ITPR2: variants seen among roughly 807,000 people sequenced by gnomAD.
ITPR2 encodes the protein inositol 1,4,5-trisphosphate receptor type 2, also known as inositol 1,4,5-trisphosphate-gated calcium channel ITPR2.
Under a neutral mutation model 317.1 loss-of-function variants are expected in ITPR2, and 207 were observed. The observed-to-expected ratio is 0.65, with a 90% CI of 0.58 to 0.73. ITPR2 has a LOEUF of 0.73. ITPR2 is among the 30% of genes least tolerant of loss of function. ITPR2 has a pLI of 0.00. For missense variants in ITPR2, 2,613 were observed against 3,284.0 expected, an observed-to-expected ratio of 0.80 and a Z score of 4.99; for synonymous variants, 1,156 against 1,149.1, an observed-to-expected ratio of 1.01 and a Z score of -0.12.
chr12:26,634,352 T>G (rs1466495322), intron 21 of ITPR2, among the ~76,000 whole-genome samples: 1 of 152,198 alleles, frequency 6.6e-6, no homozygotes, highest in East Asian at 1.9e-4. Context: ...AGGTGATTAA[T>G]CCTCAACATT....
chr12:26,538,329 C>A (rs1944157926), intron 37 of ITPR2, among the ~76,000 whole-genome samples: 2 of 151,234 alleles, frequency 1.3e-5, no homozygotes, highest in South Asian at 4.2e-4. Context: ...ATATATCCCC[C>A]ACAAACACAC....
rs541336873 is a variant in ITPR2 at position 26,542,594 on chromosome 12, C to T, written c.5073+7653G>A. Among the ~76,000 whole-genome samples the T allele has an allele frequency of 8.5e-5, 13 of 152,304 alleles. No homozygotes were observed. In the East Asian group the frequency reaches 1.2e-3, roughly 14 times the overall value. Reference sequence around the variant, plus strand: ...ACTGTCTGATAATAACAATGTCACACGGTAAGCTCTTAATAAATGCTAGCT... The same window carrying T: ...ACTGTCTGATAATAACAATGTCACATGGTAAGCTCTTAATAAATGCTAGCT... On this transcript the variant is annotated intron_variant, in intron 37 of 56. Coordinates refer to ENST00000381340, the MANE Select transcript of ITPR2 (RefSeq NM_002223.4).
chr12:26,621,300 A>T lies in ITPR2; in HGVS notation c.3289-4T>A. ...GATTAGACACCAGTAATTGCACCTA[A>T]AACAGAAGAATTTCAATCTTAGTTG... On this transcript the variant is annotated splice_polypyrimidine_tract_variant and splice_region_variant and intron_variant, in intron 25 of 56. Transcript: ENST00000381340. 6.3e-7 allele frequency: 1 copy of T among 1,597,376 alleles called. No homozygotes were observed. Among genetic ancestry groups the T allele is most frequent in the South Asian group, 1.1e-5 (1 of 88,240 alleles).
chr12:26,437,473 A>G (rs565574796), intron 47 of ITPR2, among the ~76,000 whole-genome samples: 5 of 152,302 alleles, frequency 3.3e-5, no homozygotes, highest in Admixed American at 1.3e-4. Flanking sequence ...AACTATAAAC[A>G]TCTGCATCTC....
intron 43 of ITPR2, among the ~76,000 whole-genome samples, chr12:26,480,770 G>A (rs1942528437): frequency 6.6e-6 from 1 of 152,272 alleles, no homozygotes; most frequent in Admixed American, 6.5e-5. Flanking sequence ...AACCTGGGAG[G>A]AGGAGGTTGC....
chr12:26,616,229 C>A (rs1287081996), intron 26 of ITPR2, among the ~76,000 whole-genome samples: 2 of 152,026 alleles, frequency 1.3e-5, no homozygotes, highest in African/African-American at 2.4e-5. Flanking sequence ...GCTCCGCCTC[C>A]CGGGTTCACG....
rs115475879 is a variant in ITPR2 at position 26,529,520 on chromosome 12, C to T, written c.5073+20727G>A. On this transcript the variant is annotated intron_variant, in intron 37 of 56. Coordinates refer to ENST00000381340, the MANE Select transcript of ITPR2 (RefSeq NM_002223.4). ...TAACACCCCATAGAAAACACAAACC[C>T]ATTTCTCTTCACTGTTCTTGCTCTC... Among the ~76,000 whole-genome samples the T allele has an allele frequency of 5.8e-3, 877 of 152,312 alleles. 11 individuals carry two copies. The highest frequency in any genetic ancestry group is 0.02 in the African/African-American group (834 of 41,558).
At chr12:26,352,294 T>C (rs1462966846) in intron 55 of ITPR2, among the ~76,000 whole-genome samples, 2 of 152,300 alleles carry the variant, frequency 1.3e-5, no homozygotes, top group African/African-American at 4.8e-5. Context: ...GTTGGAGAGG[T>C]GGCTTCTGGC....
At chr12:26,798,635 G>A (rs1322699456) in intron 1 of ITPR2, among the ~76,000 whole-genome samples, 1 of 152,168 alleles carries the variant, frequency 6.6e-6, no homozygotes, top group East Asian at 1.9e-4. Flanking sequence ...CAAATAAGAA[G>A]TAGATCCCAA....
In ITPR2 at chr12:26,758,773, G is replaced by C. The variant is rs1012749409; in HGVS notation, c.163+31384C>G. Among the ~76,000 whole-genome samples, 3 of 152,146 alleles carry C rather than the reference G, an allele frequency of 2.0e-5. No individual in the cohort carries two copies. The East Asian group carries it at 5.8e-4, about 29-fold the overall frequency. ...GCTGCCTACATAGAACGAGGTATAT[G>C]GATGGCAGAAGAATTTCCTACATTC... is the stretch of plus-strand genomic sequence containing the variant. On this transcript the variant is annotated intron_variant, in intron 2 of 56. Coordinates refer to ENST00000381340, the MANE Select transcript of ITPR2 (RefSeq NM_002223.4).
chr12:26,491,355 C>T (rs573795980), intron 39 of ITPR2, among the ~76,000 whole-genome samples: 14 of 151,420 alleles, frequency 9.2e-5, no homozygotes, highest in Admixed American at 3.3e-4. Flanking sequence ...TGGTGGTGGG[C>T]ACCTGTAGTC....
intron 37 of ITPR2, among the ~76,000 whole-genome samples, chr12:26,503,594 G>A (rs1403436038): frequency 6.6e-6 from 1 of 152,210 alleles, no homozygotes; most frequent in Non-Finnish European, 1.5e-5. Context: ...AGAGAGTAAT[G>A]TGATTGGTTT....
rs374298645 is a variant in ITPR2, at chr12:26,795,856, G to A, written c.93-5629C>T. ...AAAAATTAGCAGGGCGTGGTGGCAC[G>A]ACCTGTAATCCCAGCTACTCTGGAG... On this transcript the variant is annotated intron_variant, in intron 1 of 56. Transcript: ENST00000381340. Among the ~76,000 whole-genome samples, 3 of 152,108 alleles carry A rather than the reference G, an allele frequency of 2.0e-5. No individual in the cohort carries two copies. The East Asian group carries it at 5.8e-4, about 29-fold the overall frequency.
chr12:26,703,245 T>G (rs1948485938), intron 9 of ITPR2, among the ~76,000 whole-genome samples: 1 of 152,178 alleles, frequency 6.6e-6, no homozygotes. Context: ...ATAGAACCAT[T>G]TCTCTCAGAT....
At chr12:26,474,517 G>T (rs1942364945) in intron 45 of ITPR2, among the ~76,000 whole-genome samples, 1 of 152,162 alleles carries the variant, frequency 6.6e-6, no homozygotes, top group African/African-American at 2.4e-5. Flanking sequence ...TTAAAGGCCG[G>T]GCGCGGTGGC....
intron 9 of ITPR2, among the ~76,000 whole-genome samples, chr12:26,702,508 G>A (rs1948467938): frequency 6.6e-6 from 1 of 150,562 alleles, no homozygotes; most frequent in Non-Finnish European, 1.5e-5. Flanking sequence ...GTGCGATCTC[G>A]GCTCACTGCA....
chr12:26,800,738 A>G (rs1950541834), intron 1 of ITPR2: 1 of 152,290 alleles, frequency 6.6e-6, no homozygotes, highest in African/African-American at 2.4e-5. Flanking sequence ...ATTTCTTGGA[A>G]TGAAGCAGAG....
chr12:26,602,367 A>G lies in ITPR2; in HGVS notation c.3678+3T>C. 6.2e-7 allele frequency: 1 copy of G among 1,609,910 alleles called. No individual in the cohort carries two copies. The highest frequency in any genetic ancestry group is 8.5e-7 in the Non-Finnish European group (1 of 1,178,646). On this transcript the variant is annotated splice_donor_region_variant and intron_variant, in intron 28 of 56. Coordinates refer to ENST00000381340, the MANE Select transcript of ITPR2 (RefSeq NM_002223.4). The stretch of plus-strand genomic sequence containing the variant: ...TAAAGAACAAAAAATAACCAGGACT[A>G]ACCTTTTCATAGGGTATCTGCAGAA...
At chr12:26,780,465 G>T (rs1158591221) in intron 2 of ITPR2, among the ~76,000 whole-genome samples, 1 of 152,108 alleles carries the variant, frequency 6.6e-6, no homozygotes, top group African/African-American at 2.4e-5. Context: ...ACTGACCAAG[G>T]CACTCACTTT....
Sources: allele counts gnomAD v4.1 joint callset (sites outside exome capture counted in the v4.1 genomes callset), GRCh38; gene constraint gnomAD v4.1.1; transcripts MANE v1.5; gene names NCBI Gene and HGNC (gene_info 2026-07-23, HGNC 2026-07-21).